Variants in ISM2 observed in about 807,000 individuals in gnomAD.
ISM2 encodes isthmin 2.
In ISM2, 50 loss-of-function variants were observed where a neutral mutation model predicts 58.0. The ratio of observed to expected loss-of-function variants is 0.86; its 90% confidence interval spans 0.69 to 1.09. ISM2 has a LOEUF of 1.09. ISM2 is among the 50% of genes least tolerant of loss of function. The pLI is 0.00. For synonymous variants in ISM2, 303 were observed against 312.4 expected (o/e 0.97, Z 0.32); for missense variants, 723 against 745.0 (o/e 0.97, Z 0.34).
In ISM2 at chr14:77,478,698, CCTT is replaced by C; in HGVS notation, c.988_990del (p.Lys330del). The C allele has an allele frequency of 6.2e-7, 1 of 1,612,684 alleles. No individual in the cohort carries two copies. The highest frequency in any genetic ancestry group is 1.3e-5 in the African/African-American group (1 of 74,996). On this transcript the variant is annotated inframe_deletion, in exon 5 of 7. Coordinates refer to ENST00000342219, the MANE Select transcript of ISM2 (RefSeq NM_199296.3). ...CTGCAGGGAGACCAGGGACTCCACT[CCTT>C]CTGAGGCTCATAGTCTGGGTTAAGA... is the stretch of plus-strand genomic sequence containing the variant.
At chr14:77,498,206 C>T (rs1315094333) in intron 1 of ISM2, 1 of 1,258,294 alleles carries the variant, frequency 7.9e-7, no homozygotes, top group Admixed American at 2.5e-5. Context: ...CTCCGCTTGT[C>T]TCATGGAAGG....
intron 6 of ISM2, 70 bp downstream of exon 6, chr14:77,478,172 A>T: frequency 2.3e-6 from 3 of 1,306,778 alleles, no homozygotes; most frequent in Non-Finnish European, 3.3e-6. Context: ...CCTGCCATGG[A>T]ATAATACCCC....
chr14:77,475,950 C>G lies in ISM2; in HGVS notation c.1361G>C (p.Arg454Pro), dbSNP rs771795542. ...GCGAGGGCCACTGGCATCCCTCCAC[C>G]GGAAGCTGCGGCCCTGGTGCTCGTC... is the stretch of plus-strand genomic sequence containing the variant. Reference protein sequence around the residue: ...LQDEHQGRSFRWRDASGPRER... With the variant: ...LQDEHQGRSFPWRDASGPRER... The change falls in exon 7 of 7, where the codon CGG becomes CCG. Residue 454 changes from arginine (R) to proline (P), a missense_variant. By Grantham distance (103) the Arg-to-Pro change is moderately radical. Transcript: ENST00000342219. The surrounding 1 kb of genome is among the most constrained non-coding windows in gnomAD (Gnocchi z 4.1). 6.3e-7 allele frequency: 1 copy of G among 1,598,600 alleles called. No homozygotes were observed. Among genetic ancestry groups the G allele is most frequent in the African/African-American group, 1.3e-5 (1 of 75,060 alleles).
At chr14:77,497,737 A>AGGAGGGAGGGAGGGAGGGAGGGAGGGAG (rs1292866877) in intron 1 of ISM2, among the ~76,000 whole-genome samples, 4 of 46,280 alleles carry the variant, frequency 8.6e-5, no homozygotes, top group African/African-American at 2.8e-4. Context: ...GTAGGAAGGA[A>AGGAGGGAGGGAGGGAGGGAGGGAGGGAG]GGAGGGAGGG....
At chr14:77,498,416 C>A in intron 1 of ISM2, 1 of 1,251,632 alleles carries the variant, frequency 8.0e-7, no homozygotes, top group Non-Finnish European at 1.1e-6. Context: ...AACTTGTCAC[C>A]CGGCTGGTCC....
chr14:77,476,663 T>A (rs2079100553), intron 6 of ISM2, among the ~76,000 whole-genome samples: 1 of 152,172 alleles, frequency 6.6e-6, no homozygotes, highest in African/African-American at 2.4e-5. Flanking sequence ...GGCCTTTTTT[T>A]AAACTATATT....
rs755026075 is a variant in ISM2, at chr14:77,484,909, G to T, written c.152C>A (p.Ser51Tyr). The change falls in exon 2 of 7, where the codon TCC (serine) becomes TAC (tyrosine). Residue 51 changes from serine to tyrosine, a missense_variant. Physicochemically the swap from Ser to Tyr is moderately radical, Grantham distance 144. Transcript: ENST00000342219. ...SLTRLAEVSA[S>Y]PDPRPLKEEE... Reference sequence around the variant, plus strand: ...TTCCTTCAGAGGCCTAGGATCTGGGGAGGCTGAGACCTGAGGGAGAGAGAA... The same window carrying T: ...TTCCTTCAGAGGCCTAGGATCTGGGTAGGCTGAGACCTGAGGGAGAGAGAA... The T allele has an allele frequency of 6.4e-7, 1 of 1,557,256 alleles. No homozygotes were observed. Among genetic ancestry groups the T allele is most frequent in the African/African-American group, 1.4e-5 (1 of 73,206 alleles).
At chr14:77,489,630 C>A (rs988085919) in intron 1 of ISM2, among the ~76,000 whole-genome samples, 9 of 152,116 alleles carry the variant, frequency 5.9e-5, no homozygotes, top group Admixed American at 5.9e-4. Context: ...CCTCCCACCT[C>A]AGCCTCCTGA....
intron 4 of ISM2, among the ~76,000 whole-genome samples, chr14:77,481,339 C>CA (rs34893201): frequency 0.16 from 24,105 of 149,254 alleles, 2,337 homozygotes; most frequent in Middle Eastern, 0.38. Flanking sequence ...GACTCCACCT[C>CA]AAAAAAATTA....
At position 77,484,704 on chromosome 14, in the gene ISM2, G is replaced by C; in HGVS notation, c.357C>G (p.Thr119=). 1 of 1,611,548 alleles carries C rather than the reference G, an allele frequency of 6.2e-7. No homozygotes were observed. Among genetic ancestry groups the C allele is most frequent in the Non-Finnish European group, 8.5e-7 (1 of 1,179,424 alleles). ...GGGTATCAGGGTTAGGGGTACTCAA[G>C]GTTGTGTTGGCCAATCCCGGCAGCT... ...LQKLPGLANT[T]LSTPNPDTQA... is the part of the protein sequence containing the mutation. Residue 119 remains threonine (T), a synonymous_variant, in exon 2 of 7, where the codon ACC becomes ACG. Coordinates refer to ENST00000342219, the MANE Select transcript of ISM2 (RefSeq NM_199296.3).
In ISM2 at chr14:77,475,011, G is replaced by C. The variant is rs2079087462; in HGVS notation, c.*584C>G. 2 of 152,322 alleles carry C rather than the reference G, an allele frequency of 1.3e-5. No homozygotes were observed. The highest frequency in any genetic ancestry group is 4.8e-5 in the African/African-American group (2 of 41,466). The allele number at this position is 152,322 out of a possible 1,614,324, so 9.4% of individuals were successfully genotyped here. ...GTGTCCAACAGAAAGGCAGCTTGGG[G>C]CTACAGATAGCCTCCTGTGCAGTGG... On this transcript the variant is annotated 3_prime_UTR_variant, in exon 7 of 7. Coordinates refer to ENST00000342219, the MANE Select transcript of ISM2 (RefSeq NM_199296.3). The surrounding 1 kb of genome is among the most constrained non-coding windows in gnomAD (Gnocchi z 4.1).
chr14:77,482,597 G>C lies in ISM2; in HGVS notation c.698C>G (p.Pro233Arg). The C allele has an allele frequency of 6.2e-7, 1 of 1,609,872 alleles. No homozygotes were observed. The highest frequency in any genetic ancestry group is 2.2e-5 in the East Asian group (1 of 44,846). The stretch of plus-strand genomic sequence containing the variant: ...CCAGCTAAGGGTATCCTGGGGCGGG[G>C]GATTGCTGGGCTCAGCCAACAGGTC... ...SIDLLAEPSN[P>R]PPQDTLSWLP... The change falls in exon 4 of 7, where the codon CCC becomes CGC. Residue 233 changes from proline (P) to arginine (R), a missense_variant. Physicochemically the swap from Pro to Arg is moderately radical, Grantham distance 103. Transcript: ENST00000342219.
chr14:77,482,677 A>ACAGGC lies in ISM2; in HGVS notation c.628-15_628-11dup. 1 of 1,514,712 alleles carries ACAGGC rather than the reference A, an allele frequency of 6.6e-7. No individual in the cohort carries two copies. Among genetic ancestry groups the ACAGGC allele is most frequent in the Non-Finnish European group, 8.8e-7 (1 of 1,131,670 alleles). 93.8% of individuals were successfully genotyped at this position (1,514,712 alleles called of 1,614,324 possible). A position where few individuals can be genotyped will look rare whatever the true frequency, so the allele number is the denominator to read the frequency against. Reference sequence around the variant, plus strand: ...CCACCTTGATGGTCACCTGCAGGAGACAGGCCAGGCCGGCCAGTGAAGGAG... The same window carrying ACAGGC: ...CCACCTTGATGGTCACCTGCAGGAGACAGGCCAGGCCAGGCCGGCCAGTGAAGGAG... On this transcript the variant is annotated splice_polypyrimidine_tract_variant and intron_variant, in intron 3 of 6. Transcript: ENST00000342219.
At chr14:77,489,597 C>T (rs977685402) in intron 1 of ISM2, among the ~76,000 whole-genome samples, 8 of 151,890 alleles carry the variant, frequency 5.3e-5, no homozygotes, top group East Asian at 3.9e-4. Context: ...AGACTGGCCT[C>T]GATATTCCTG....
chr14:77,485,424 G>A (rs2079161997), intron 1 of ISM2, among the ~76,000 whole-genome samples: 1 of 152,250 alleles, frequency 6.6e-6, no homozygotes, highest in East Asian at 1.9e-4. Flanking sequence ...CCATCCACAT[G>A]AGGGCTGTGT....
intron 1 of ISM2, among the ~76,000 whole-genome samples, chr14:77,496,929 A>C (rs28820314): frequency 0.21 from 32,266 of 151,430 alleles, 3,796 homozygotes; most frequent in African/African-American, 0.31. Context: ...CACATCCTCA[A>C]GTGCAGCCAG....
Position 77,492,614 on chromosome 14 carries a change from G to A in ISM2, c.141+6039C>T, listed in dbSNP as rs76910044. ...AGCTCAGAGCAGCCTCGAACTCCTC[G>A]TGATCCTCCCACCCACCCTCCAAGT... On this transcript the variant is annotated intron_variant, in intron 1 of 6. Coordinates refer to ENST00000342219, the MANE Select transcript of ISM2 (RefSeq NM_199296.3). Among the ~76,000 whole-genome samples the A allele has an allele frequency of 5.6e-3, 834 of 147,906 alleles. 3 individuals carry two copies. The highest frequency in any genetic ancestry group is 9.6e-3 in the Non-Finnish European group (648 of 67,532).
chr14:77,498,708 A>C lies in ISM2; in HGVS notation c.86T>G (p.Val29Gly). Residue 29 changes from valine (V) to glycine (G), a missense_variant, in exon 1 of 7, where the codon GTG becomes GGG. Val to Gly is a moderately radical substitution (Grantham distance 109, BLOSUM62 -3). Transcript: ENST00000342219. ...ALLEAALGLP[V>G]KKPRLRGPRP... ...TGGTCCGCGGAGCCGCGGCTTCTTC[A>C]CGGGGAGCCCTAGCGCCGCCTCCAG... 6.7e-7 allele frequency: 1 copy of C among 1,484,070 alleles called. No individual in the cohort carries two copies. Among genetic ancestry groups the C allele is most frequent in the African/African-American group, 1.5e-5 (1 of 68,246 alleles). The allele number at this position is 1,484,070 out of a possible 1,614,324, so 91.9% of individuals were successfully genotyped here. A position where few individuals can be genotyped will look rare whatever the true frequency, so the allele number is the denominator to read the frequency against.
chr14:77,483,672 G>C (rs1243898837), intron 3 of ISM2, among the ~76,000 whole-genome samples: 1 of 152,092 alleles, frequency 6.6e-6, no homozygotes, highest in African/African-American at 2.4e-5. Context: ...GTGTGTGTGT[G>C]TGTAGGTAAG....
Sources: gnomAD v4.1 joint callset for allele counts (sites outside exome capture counted in the v4.1 genomes callset) on GRCh38, gnomAD v4.1.1 for gene constraint, Gnocchi (gnomAD v3.1) non-coding constraint, MANE v1.5 for transcripts, NCBI Gene and HGNC (gene_info 2026-07-23, HGNC 2026-07-21) for gene names.